Variants in METTL15 observed in about 807,000 individuals in gnomAD.
The protein encoded by METTL15 is 12S rRNA N(4)-cytidine methyltransferase METTL15.
In METTL15, 34 loss-of-function variants were observed where a neutral mutation model predicts 38.3. The ratio of observed to expected loss-of-function variants is 0.89; its 90% confidence interval spans 0.68 to 1.18. METTL15 has a LOEUF of 1.18. METTL15 is among the 50% of genes most tolerant of loss of function. METTL15 has a pLI of 0.00. For missense variants in METTL15, 438 were observed against 498.4 expected (o/e 0.88, Z 1.15); for synonymous variants, 162 against 170.9 (o/e 0.95, Z 0.41).
chr11:28,118,340 T>C (rs59947431), intron 3 of METTL15, among the ~76,000 whole-genome samples: 23,343 of 152,210 alleles, frequency 0.15, 1,947 homozygotes, highest in East Asian at 0.28. Context: ...GTTTTAATTA[T>C]GAGAAAAATA....
intron 5 of METTL15, among the ~76,000 whole-genome samples, chr11:28,369,427 A>G (rs7129227): frequency 6.6e-6 from 1 of 152,132 alleles, no homozygotes; most frequent in South Asian, 2.1e-4. Flanking sequence ...ATATATATAT[A>G]TACATCCAAA....
intron 3 of METTL15, among the ~76,000 whole-genome samples, chr11:28,114,234 A>G (rs1211299379): frequency 2.6e-5 from 4 of 152,160 alleles, no homozygotes; most frequent in African/African-American, 7.2e-5. Context: ...ATTCATAGAT[A>G]TGTGGCATTT....
intron 6 of METTL15, 144 bp from the exon 7 acceptor site, chr11:28,330,252 G>C (rs1849771310): frequency 4.4e-6 from 3 of 687,794 alleles, no homozygotes; most frequent in Non-Finnish European, 4.7e-6. Context: ...ATAAGAGGGG[G>C]AAGTATGAAT....
chr11:28,123,776 T>A, intron 3 of METTL15: 1 of 927,134 alleles, frequency 1.1e-6, no homozygotes. Flanking sequence ...TTGGCCTGTG[T>A]CATCTGTAAT....
intron 4 of METTL15, among the ~76,000 whole-genome samples, chr11:28,358,345 A>C (rs920935238): frequency 1.3e-5 from 2 of 152,216 alleles, no homozygotes; most frequent in African/African-American, 4.8e-5. Flanking sequence ...ACTGCAAAGT[A>C]ATAAAGGGTC....
intron 3 of METTL15, among the ~76,000 whole-genome samples, chr11:28,165,171 G>T (rs1450255462): frequency 6.6e-6 from 1 of 152,044 alleles, no homozygotes; most frequent in Non-Finnish European, 1.5e-5. Flanking sequence ...ATATCTCTTT[G>T]ATATATTGAT....
chr11:28,399,131 C>T (rs1419103060), intron 5 of METTL15: 1 of 152,026 alleles, frequency 6.6e-6, no homozygotes, highest in African/African-American at 2.4e-5. Flanking sequence ...ACAGAGGCCT[C>T]AGAAATAACG....
chr11:28,512,560 A>G (rs1307623812), intron 6 of METTL15, among the ~76,000 whole-genome samples: 2 of 152,310 alleles, frequency 1.3e-5, no homozygotes, highest in Non-Finnish European at 2.9e-5. Flanking sequence ...ACACCCTCCG[A>G]GGCAGCTGGC....
downstream of METTL15, among the ~76,000 whole-genome samples, chr11:28,530,386 C>T (rs1851837750): frequency 6.6e-6 from 1 of 152,130 alleles, no homozygotes; most frequent in Non-Finnish European, 1.5e-5. Flanking sequence ...AGGCTGAATG[C>T]AGAGTATCTG....
intron 3 of METTL15, among the ~76,000 whole-genome samples, chr11:28,166,993 C>G (rs1469308961): frequency 1.3e-5 from 2 of 152,076 alleles, no homozygotes; most frequent in African/African-American, 2.4e-5. Context: ...CATATTTCAT[C>G]TATTCTTTCT....
intron 6 of METTL15, among the ~76,000 whole-genome samples, chr11:28,497,079 G>T (rs144014673): frequency 6.6e-6 from 1 of 152,316 alleles, no homozygotes; most frequent in East Asian, 1.9e-4. Context: ...GGATAAAGGA[G>T]ACTGACTTAA....
chr11:28,172,675 T>C (rs986071501), intron 3 of METTL15, among the ~76,000 whole-genome samples: 1 of 152,256 alleles, frequency 6.6e-6, no homozygotes, highest in African/African-American at 2.4e-5. Context: ...AAAGAAAGAC[T>C]GAATCAGTTT....
intron 4 of METTL15, among the ~76,000 whole-genome samples, chr11:28,222,282 C>A (rs1590182273): frequency 6.6e-6 from 1 of 152,180 alleles, no homozygotes; most frequent in African/African-American, 2.4e-5. Context: ...CTGGCTGCTC[C>A]CTTGCCGTTT....
intron 4 of METTL15, among the ~76,000 whole-genome samples, chr11:28,251,092 C>T (rs935516550): frequency 2.8e-4 from 43 of 152,058 alleles, no homozygotes; most frequent in African/African-American, 9.9e-4. Context: ...ACTTTCTAAC[C>T]TCCCATTTGT....
At chr11:28,372,312 C>T (rs759953300) in intron 5 of METTL15, among the ~76,000 whole-genome samples, 1 of 151,904 alleles carries the variant, frequency 6.6e-6, no homozygotes, top group Non-Finnish European at 1.5e-5. Context: ...TCGTTGCATC[C>T]CTGGGAAGAA....
chr11:28,336,024 CT>C (rs930994098), downstream of METTL15, among the ~76,000 whole-genome samples: 1 of 147,460 alleles, frequency 6.8e-6, no homozygotes, highest in Non-Finnish European at 1.5e-5. Context: ...CAAAATCTAA[CT>C]TACATTTCTG....
intron 3 of METTL15, among the ~76,000 whole-genome samples, chr11:28,349,202 C>T (rs1850021330): frequency 6.6e-6 from 1 of 152,148 alleles, no homozygotes; most frequent in African/African-American, 2.4e-5. Flanking sequence ...ACTCCCTTTC[C>T]AATAGTGAAA....
chr11:28,510,709 G>A (rs1803092008), intron 6 of METTL15, among the ~76,000 whole-genome samples: 1 of 152,140 alleles, frequency 6.6e-6, no homozygotes, highest in African/African-American at 2.4e-5. Flanking sequence ...TGCAAACTGA[G>A]TAGCTGATTT....
chr11:28,338,103 A>C (rs1849918030), downstream of METTL15, among the ~76,000 whole-genome samples: 1 of 151,212 alleles, frequency 6.6e-6, no homozygotes, highest in Admixed American at 6.6e-5. Flanking sequence ...GTCTTCACCA[A>C]GACTTGGTTC....
Sources: gnomAD v4.1 joint callset for allele counts (sites outside exome capture counted in the v4.1 genomes callset) on GRCh38, gnomAD v4.1.1 for gene constraint, MANE v1.5 for transcripts, NCBI Gene and HGNC (gene_info 2026-07-23, HGNC 2026-07-21) for gene names.